The following TLN2 variants were observed in gnomAD, a reference collection of about 807,000 sequenced individuals.
TLN2 encodes talin-2.
TLN2 carries 118 observed loss-of-function variants against 294.7 expected under a neutral mutation model. That is an observed-to-expected ratio of 0.40 (90% CI 0.34 to 0.47). The LOEUF is 0.47. Ranked by LOEUF, TLN2 falls within the 20% of genes least tolerant of loss-of-function variation. TLN2 has a pLI of 0.84. For missense variants in TLN2, 3,083 were observed against 3,282.2 expected, an observed-to-expected ratio of 0.94 and a Z score of 1.48; for synonymous variants, 1,431 against 1,304.5, an observed-to-expected ratio of 1.10 and a Z score of -2.09.
chr15:62,697,659 C>G, intron 14 of TLN2, 29 bp from the exon 15 acceptor site: 1 of 1,580,552 alleles, frequency 6.3e-7, no homozygotes. Context: ...CTGGTGTTCT[C>G]TCAGTGACCA....
At chr15:62,409,936 C>G (rs1301465743) in intron 1 of TLN2, among the ~76,000 whole-genome samples, 1 of 152,158 alleles carries the variant, frequency 6.6e-6, no homozygotes, top group Non-Finnish European at 1.5e-5. Flanking sequence ...AAATGAGGAA[C>G]CTTTATTTTT....
At chr15:62,776,524 T>A (rs2063729361) in intron 42 of TLN2, among the ~76,000 whole-genome samples, 1 of 152,190 alleles carries the variant, frequency 6.6e-6, no homozygotes, top group African/African-American at 2.4e-5. Flanking sequence ...TGTCATAAGA[T>A]TTTGATATTG....
intron 2 of TLN2, among the ~76,000 whole-genome samples, chr15:62,604,512 G>A (rs2047255692): frequency 7.4e-6 from 1 of 134,266 alleles, no homozygotes; most frequent in Admixed American, 7.9e-5. Flanking sequence ...GTGACAAAGT[G>A]AGACCTTGTC....
At chr15:62,503,073 G>A (rs1262908321) in intron 1 of TLN2, among the ~76,000 whole-genome samples, 2 of 151,530 alleles carry the variant, frequency 1.3e-5, no homozygotes, top group African/African-American at 4.9e-5. Context: ...GAGTCATAGT[G>A]CCTATGTTTG....
At chr15:62,686,177 T>TA (rs2057271536) in intron 11 of TLN2, among the ~76,000 whole-genome samples, 2 of 151,964 alleles carry the variant, frequency 1.3e-5, no homozygotes, top group Admixed American at 6.6e-5. Context: ...TTCAGAGATT[T>TA]AAAAAAAAGG....
intron 1 of TLN2, among the ~76,000 whole-genome samples, chr15:62,400,235 C>T (rs1217156399): frequency 6.6e-6 from 1 of 152,186 alleles, no homozygotes; most frequent in African/African-American, 2.4e-5. Context: ...CCTCAGACCT[C>T]CCCACCATGC....
At chr15:62,461,267 A>C (rs528222271) in intron 1 of TLN2, among the ~76,000 whole-genome samples, 1 of 152,236 alleles carries the variant, frequency 6.6e-6, no homozygotes, top group East Asian at 1.9e-4. Flanking sequence ...TTTGAACTTA[A>C]TGTAAATGGA....
intron 22 of TLN2, among the ~76,000 whole-genome samples, chr15:62,713,248 G>A (rs2059535902): frequency 7.4e-6 from 1 of 135,104 alleles, no homozygotes; most frequent in Non-Finnish European, 1.5e-5. Flanking sequence ...TCCATCCTGG[G>A]TGACAAGAGC....
At position 62,819,580 on chromosome 15, in the gene TLN2, G is replaced by T. The variant is rs1173453402; in HGVS notation, c.6836G>T (p.Gly2279Val). 1 of 1,613,064 alleles carries T rather than the reference G, an allele frequency of 6.2e-7. No individual in the cohort carries two copies. Among genetic ancestry groups the T allele is most frequent in the Non-Finnish European group, 8.5e-7 (1 of 1,180,016 alleles). Residue 2279 changes from glycine to valine, a missense_variant, in exon 53 of 59, where the codon GGC (glycine) becomes GTC (valine). By Grantham distance (109) the Gly-to-Val change is moderately radical. Transcript: ENST00000636159. Reference protein sequence around the residue: ...QLAAFSKRVAGAVTELIQAAE... With the variant: ...QLAAFSKRVAVAVTELIQAAE... ...GCCGCTTTCTCCAAGCGAGTCGCCG[G>T]CGCTGTGACAGAGCTCATCCAGGCG...
intron 25 of TLN2, among the ~76,000 whole-genome samples, chr15:62,721,108 T>C (rs1325044519): frequency 2.0e-5 from 3 of 152,222 alleles, no homozygotes; most frequent in Non-Finnish European, 4.4e-5. Flanking sequence ...TCCCTTTTTC[T>C]TTTGTTCTTT....
At chr15:62,838,048 A>C (rs993910039) in intron 57 of TLN2, 1 of 152,278 alleles carries the variant, frequency 6.6e-6, no homozygotes, top group African/African-American at 2.4e-5. Flanking sequence ...CATTAAAAAT[A>C]AGCCAATACA....
At chr15:62,598,135 G>C (rs556387541) in intron 2 of TLN2, among the ~76,000 whole-genome samples, 18 of 152,284 alleles carry the variant, frequency 1.2e-4, no homozygotes, top group African/African-American at 3.8e-4. Context: ...GGTGTCTCTT[G>C]AAATTCTCAC....
chr15:62,391,987 T>G lies in TLN2; in HGVS notation c.-238+1302T>G, dbSNP rs184334536. Among the ~76,000 whole-genome samples the G allele has an allele frequency of 2.5e-4, 38 of 152,358 alleles. No homozygotes were observed. The East Asian group carries it at 6.0e-3, about 24-fold the overall frequency. On this transcript the variant is annotated intron_variant, in intron 1 of 58. Transcript: ENST00000636159. ...GCTCCGAGGGGCGCAGTAGCTCACT[T>G]CCTGGGGGAGAGGAGGCGCCTTGGT... is the stretch of plus-strand genomic sequence containing the variant.
intron 44 of TLN2, among the ~76,000 whole-genome samples, chr15:62,782,827 G>A (rs2064298174): frequency 6.6e-6 from 1 of 152,186 alleles, no homozygotes; most frequent in Non-Finnish European, 1.5e-5. Context: ...TTAAAAGGCT[G>A]TTTAAAATCA....
intron 1 of TLN2, among the ~76,000 whole-genome samples, chr15:62,530,115 C>T (rs561522529): frequency 1.1e-4 from 16 of 152,240 alleles, no homozygotes; most frequent in Non-Finnish European, 1.6e-4. Flanking sequence ...TGCTTGAACC[C>T]GAGAGGCGCA....
intron 1 of TLN2, among the ~76,000 whole-genome samples, chr15:62,525,101 C>G (rs1280086167): frequency 6.6e-6 from 1 of 152,196 alleles, no homozygotes; most frequent in Non-Finnish European, 1.5e-5. Flanking sequence ...TACATGGTGA[C>G]TGTAAGGCAC....
intron 1 of TLN2, among the ~76,000 whole-genome samples, chr15:62,482,653 G>T (rs2038169076): frequency 6.6e-6 from 1 of 150,952 alleles, no homozygotes; most frequent in South Asian, 2.1e-4. Flanking sequence ...CAACCATGAG[G>T]GCCCTCATTA....
chr15:62,704,346 T>G (rs1190623982), intron 19 of TLN2, among the ~76,000 whole-genome samples: 1 of 152,258 alleles, frequency 6.6e-6, no homozygotes, highest in African/African-American at 2.4e-5. Context: ...GCAATGATTT[T>G]ATAATATTTT....
Position 62,670,765 on chromosome 15 carries a change from C to T in TLN2, c.789-3062C>T, listed in dbSNP as rs563805302. On this transcript the variant is annotated intron_variant, in intron 9 of 58. Transcript: ENST00000636159. ...CTATCATTAATAATGCTGCTGTGAA[C>T]GTTTGTGTACAAGTTTTTGTGTGGG... Among the ~76,000 whole-genome samples the T allele has an allele frequency of 2.8e-4, 42 of 152,256 alleles. No homozygotes were observed. In the Middle Eastern group the frequency reaches 0.01, roughly 37 times the overall value.
Sources: gnomAD v4.1 joint callset for allele counts (sites outside exome capture counted in the v4.1 genomes callset) on GRCh38, gnomAD v4.1.1 for gene constraint, MANE v1.5 for transcripts, NCBI Gene and HGNC (gene_info 2026-07-23, HGNC 2026-07-21) for gene names.